The following VGLL4 variants were observed in gnomAD, a reference collection of about 807,000 sequenced individuals.
VGLL4 encodes the protein transcription cofactor vestigial-like protein 4.
VGLL4 carries 7 observed loss-of-function variants against 21.0 expected under a neutral mutation model. That is an observed-to-expected ratio of 0.33 (90% confidence interval 0.19 to 0.63). The LOEUF (loss-of-function observed/expected upper bound fraction) is 0.63. Ranked by LOEUF, VGLL4 falls within the 20% of genes least tolerant of loss-of-function variation. The pLI is 0.78. For synonymous variants in VGLL4, 222 were observed against 173.2 expected, an observed-to-expected ratio of 1.28 and a Z score of -2.21; for missense variants, 394 against 425.7, an observed-to-expected ratio of 0.93 and a Z score of 0.66.
chr3:11,561,913 TTTTA>T (rs1415591266), intron 3 of VGLL4, among the ~76,000 whole-genome samples: 3 of 149,608 alleles, frequency 2.0e-5, no homozygotes, highest in African/African-American at 7.4e-5. Context: ...TTTTTTTTTT[TTTTA>T]AAGACAAAGT....
chr3:11,584,799 GAA>G (rs34312251), intron 2 of VGLL4, among the ~76,000 whole-genome samples: 1,621 of 145,572 alleles, frequency 0.011, 27 homozygotes, highest in African/African-American at 0.029. Flanking sequence ...CTTGAAAAGA[GAA>G]AAAAAAAAAA....
intron 2 of VGLL4, among the ~76,000 whole-genome samples, chr3:11,583,059 C>T (rs184957093): frequency 2.9e-4 from 44 of 152,248 alleles, no homozygotes; most frequent in Non-Finnish European, 4.7e-4. Flanking sequence ...TCAAGTAGCC[C>T]GGAGAAGTGA....
chr3:11,674,817 T>A (rs563271867), intron 2 of VGLL4, among the ~76,000 whole-genome samples: 11 of 151,774 alleles, frequency 7.2e-5, no homozygotes, highest in African/African-American at 2.4e-4. Flanking sequence ...GGGAGAAATA[T>A]AAGTGAACAG....
intron 2 of VGLL4, among the ~76,000 whole-genome samples, chr3:11,588,628 A>G (rs1425357459): frequency 6.6e-6 from 1 of 152,266 alleles, no homozygotes; most frequent in African/African-American, 2.4e-5. Flanking sequence ...CTACAGCCCC[A>G]GCCAGGGCCT....
intron 1 of VGLL4, among the ~76,000 whole-genome samples, chr3:11,611,084 G>A (rs2075051767): frequency 6.6e-6 from 1 of 150,562 alleles, no homozygotes; most frequent in African/African-American, 2.4e-5. Context: ...CACTGGTTGA[G>A]GAAAATAAAT....
chr3:11,560,438 G>A (rs1212976904), intron 3 of VGLL4, among the ~76,000 whole-genome samples: 3 of 152,194 alleles, frequency 2.0e-5, no homozygotes, highest in Non-Finnish European at 4.4e-5. Flanking sequence ...AGGGACCAAT[G>A]GTGACAGCAG....
chr3:11,672,739 T>G (rs1053874142), intron 2 of VGLL4, among the ~76,000 whole-genome samples: 3 of 152,200 alleles, frequency 2.0e-5, no homozygotes, highest in Admixed American at 6.5e-5. Context: ...CAATGCAAAT[T>G]TATAATGCTA....
chr3:11,640,935 T>A (rs556309210), intron 1 of VGLL4, among the ~76,000 whole-genome samples: 2 of 151,976 alleles, frequency 1.3e-5, no homozygotes, highest in Non-Finnish European at 2.9e-5. Context: ...CTGCCCAACA[T>A]GGTGAAACCC....
At chr3:11,560,276 G>A (rs755777001) in intron 3 of VGLL4, among the ~76,000 whole-genome samples, 34 of 152,148 alleles carry the variant, frequency 2.2e-4, no homozygotes, top group Admixed American at 4.6e-4. Flanking sequence ...GCTTTGGTGT[G>A]GAACCTGGGA....
chr3:11,567,470 T>C (rs1028443377), intron 2 of VGLL4, among the ~76,000 whole-genome samples: 2 of 152,182 alleles, frequency 1.3e-5, no homozygotes, highest in African/African-American at 4.8e-5. Flanking sequence ...AAGACAATCA[T>C]GGAAGAGAAT....
chr3:11,590,567 C>A (rs191588692), intron 2 of VGLL4, among the ~76,000 whole-genome samples: 4 of 152,278 alleles, frequency 2.6e-5, no homozygotes, highest in African/African-American at 9.6e-5. Flanking sequence ...TTGTCTGGCA[C>A]AGTTTCTAGC....
intron 2 of VGLL4, among the ~76,000 whole-genome samples, chr3:11,580,020 A>C (rs1031048122): frequency 6.6e-6 from 1 of 151,898 alleles, no homozygotes. Flanking sequence ...AGTTTTTCAT[A>C]TTTTTTTTAC....
In VGLL4 at chr3:11,710,249, T is replaced by A. The variant is rs2076822937; in HGVS notation, c.-13-7202A>T. ...ACATAACATTTGGAGGGGACAAACA[T>A]CCAAACCAAATCACTTGGGAACAGC... On this transcript the variant is annotated intron_variant, in intron 1 of 5. Transcript: ENST00000273038. Among the ~76,000 whole-genome samples, 5 of 152,020 alleles carry A rather than the reference T, an allele frequency of 3.3e-5. No homozygotes were observed. The South Asian group carries it at 1.0e-3, about 32-fold the overall frequency.
At chr3:11,573,092 G>A (rs141016342) in intron 2 of VGLL4, among the ~76,000 whole-genome samples, 3,587 of 151,776 alleles carry the variant, frequency 0.024, 129 homozygotes, top group African/African-American at 0.083. Context: ...GCTGAACCCG[G>A]GAGGCGGAGG....
At chr3:11,702,222 A>G (rs2076690185) in intron 2 of VGLL4, among the ~76,000 whole-genome samples, 1 of 152,168 alleles carries the variant, frequency 6.6e-6, no homozygotes, top group Admixed American at 6.5e-5. Flanking sequence ...TCTGAGACAC[A>G]TAAGGAGTAT....
rs976470328 is a variant in VGLL4, at chr3:11,565,647, G to A, written c.273-628C>T. ...CCGGGGTGCTGTAGGGAGCCGGCGC[G>A]CAGCTCTCTCGTCCAGGACACACGA... On this transcript the variant is annotated intron_variant, in intron 2 of 4. Coordinates refer to ENST00000430365, the MANE Select transcript of VGLL4 (RefSeq NM_001128219.3). This position sits in a 1 kb window ranked among gnomAD's most constrained non-coding sequence, Gnocchi z 4.1. Among the ~76,000 whole-genome samples the A allele has an allele frequency of 1.3e-5, 2 of 152,180 alleles. No homozygotes were observed. Among genetic ancestry groups the A allele is most frequent in the Non-Finnish European group, 2.9e-5 (2 of 68,026 alleles).
intron 2 of VGLL4, among the ~76,000 whole-genome samples, chr3:11,670,501 A>G (rs1298933446): frequency 6.6e-6 from 1 of 152,120 alleles, no homozygotes; most frequent in Non-Finnish European, 1.5e-5. Flanking sequence ...TCTACTTAAG[A>G]TTTGATTGAA....
rs530564976 is a variant in VGLL4, at chr3:11,557,304, G to A, written c.*1252C>T. On this transcript the variant is annotated 3_prime_UTR_variant, in exon 5 of 5. Coordinates refer to ENST00000430365, the MANE Select transcript of VGLL4 (RefSeq NM_001128219.3). ...GTATACTGCCTTGGCCCCAGCGTACGAGGAAGCGTATAAAACACCATATCA... is the reference window on the plus strand; with the variant it reads ...GTATACTGCCTTGGCCCCAGCGTACAAGGAAGCGTATAAAACACCATATCA... 4.6e-5 allele frequency: 7 copies of A among 152,482 alleles called. No homozygotes were observed. The highest frequency in any genetic ancestry group is 3.8e-4 in the East Asian group (2 of 5,328). The allele number at this position is 152,482 out of a possible 1,614,324, so 9.4% of individuals were successfully genotyped here.
intron 2 of VGLL4, among the ~76,000 whole-genome samples, chr3:11,675,439 G>A (rs2076276760): frequency 6.6e-6 from 1 of 152,092 alleles, no homozygotes. Flanking sequence ...GGGGTTCTAG[G>A]GCAGTATGGG....
Sources: allele counts gnomAD v4.1 joint callset (sites outside exome capture counted in the v4.1 genomes callset), GRCh38; gene constraint gnomAD v4.1.1; non-coding constraint Gnocchi (gnomAD v3.1); transcripts MANE v1.5; gene names NCBI Gene and HGNC (gene_info 2026-07-23, HGNC 2026-07-21).